The following CDKAL1 variants were observed in gnomAD, a reference collection of about 807,000 sequenced individuals.
CDKAL1 encodes the protein CDKAL1 threonylcarbamoyladenosine tRNA methylthiotransferase, also known as threonylcarbamoyladenosine tRNA methylthiotransferase.
Under a neutral mutation model 68.2 loss-of-function variants are expected in CDKAL1, and 32 were observed. The observed-to-expected ratio is 0.47, with a 90% CI of 0.35 to 0.63. The LOEUF (loss-of-function observed/expected upper bound fraction) is 0.63. Ranked by LOEUF, CDKAL1 falls within the 30% of genes least tolerant of loss-of-function variation. CDKAL1 has a pLI of 0.00. For missense variants in CDKAL1, 606 were observed against 696.7 expected (o/e 0.87, Z 1.47); for synonymous variants, 234 against 244.3 (o/e 0.96, Z 0.39).
intron 9 of CDKAL1, among the ~76,000 whole-genome samples, chr6:20,882,821 G>A (rs1222994669): frequency 6.6e-6 from 1 of 152,136 alleles, no homozygotes; most frequent in Non-Finnish European, 1.5e-5. Context: ...TCATTTTCAT[G>A]TAGTCTTTAC....
In CDKAL1 at chr6:20,930,650, T is replaced by A. The variant is rs191629005; in HGVS notation, c.743-24769T>A. ...CATAATAATGACAGTTGCTAGGATT[T>A]GTTTTTTACCAAGTGCCAGGAAGAG... On this transcript the variant is annotated intron_variant, in intron 9 of 15. Coordinates refer to ENST00000274695, the MANE Select transcript of CDKAL1 (RefSeq NM_017774.3). 1.1e-4 allele frequency among the ~76,000 whole-genome samples: 16 copies of A among 152,342 alleles called. No homozygotes were observed. In the East Asian group the frequency reaches 3.1e-3, roughly 29 times the overall value.
At chr6:20,891,225 G>A (rs1025489398) in intron 9 of CDKAL1, among the ~76,000 whole-genome samples, 2 of 152,166 alleles carry the variant, frequency 1.3e-5, no homozygotes, top group African/African-American at 4.8e-5. Flanking sequence ...CAGTAATGAG[G>A]TGTAATCATG....
In CDKAL1 at chr6:20,934,570, C is replaced by T. The variant is rs143031771; in HGVS notation, c.743-20849C>T. Among the ~76,000 whole-genome samples, 296 of 152,152 alleles carry T rather than the reference C, an allele frequency of 1.9e-3. 3 individuals carry two copies. Among genetic ancestry groups the T allele is most frequent in the African/African-American group, 6.9e-3 (287 of 41,488 alleles). The stretch of plus-strand genomic sequence containing the variant: ...TAACAAAAAAAAAGTCCTAGGTAGG[C>T]ATGGTGGTTCATGCCTATAATCCCA... On this transcript the variant is annotated intron_variant, in intron 9 of 15. Transcript: ENST00000274695.
intron 15 of CDKAL1, among the ~76,000 whole-genome samples, chr6:21,206,999 G>A (rs1033154767): frequency 2.0e-5 from 3 of 149,266 alleles, no homozygotes; most frequent in Non-Finnish European, 4.4e-5. Context: ...TGCCACCTTC[G>A]CCTCCTGGGT....
intron 9 of CDKAL1, among the ~76,000 whole-genome samples, chr6:20,888,372 A>C (rs375674514): frequency 1.8e-5 from 2 of 112,180 alleles, no homozygotes; most frequent in Admixed American, 9.3e-5. Flanking sequence ...TTTTTTTTTA[A>C]TTTTATTATT....
chr6:21,147,519 G>A (rs1394163643), intron 13 of CDKAL1, among the ~76,000 whole-genome samples: 1 of 152,178 alleles, frequency 6.6e-6, no homozygotes, highest in East Asian at 1.9e-4. Context: ...ATTGTCCACT[G>A]TTAATTCACA....
In CDKAL1 at chr6:20,600,245, A is replaced by G. The variant is rs143360900; in HGVS notation, c.287-49048A>G. 2.1e-4 allele frequency among the ~76,000 whole-genome samples: 32 copies of G among 152,220 alleles called. No individual in the cohort carries two copies. In the East Asian group the frequency reaches 6.2e-3, roughly 29 times the overall value. On this transcript the variant is annotated intron_variant, in intron 4 of 15. Transcript: ENST00000274695. ...GAGTTGGCAATTCTTTTTATTAAAT[A>G]TTGCATGACTGTATATGTGTTAATA...
intron 9 of CDKAL1, among the ~76,000 whole-genome samples, chr6:20,927,533 G>A (rs1387901438): frequency 6.6e-6 from 1 of 152,064 alleles, no homozygotes; most frequent in Non-Finnish European, 1.5e-5. Context: ...CTTTTTAATC[G>A]ATTTTTAACC....
chr6:21,101,904 A>C (rs1039231458), intron 12 of CDKAL1, among the ~76,000 whole-genome samples: 1 of 151,990 alleles, frequency 6.6e-6, no homozygotes, highest in Non-Finnish European at 1.5e-5. Context: ...TGTTAATCAG[A>C]TCTGTCCCAC....
intron 15 of CDKAL1, among the ~76,000 whole-genome samples, chr6:21,203,252 T>TTTG (rs1778764484): frequency 8.3e-6 from 1 of 119,926 alleles, no homozygotes; most frequent in African/African-American, 3.3e-5. Flanking sequence ...TTTTTTTTTT[T>TTTG]GAGTCAGAGT....
intron 9 of CDKAL1, among the ~76,000 whole-genome samples, chr6:20,907,974 G>A (rs145980816): frequency 1.3e-3 from 193 of 152,296 alleles, no homozygotes; most frequent in African/African-American, 4.2e-3. Flanking sequence ...CCACGGCTCT[G>A]TCACCACTTC....
At chr6:21,121,609 T>C (rs887110757) in intron 13 of CDKAL1, among the ~76,000 whole-genome samples, 2 of 152,224 alleles carry the variant, frequency 1.3e-5, no homozygotes, top group African/African-American at 4.8e-5. Flanking sequence ...ACACAGTAAG[T>C]GCTCAATAAA....
chr6:21,115,888 C>T (rs1774380943), intron 13 of CDKAL1, among the ~76,000 whole-genome samples: 1 of 152,224 alleles, frequency 6.6e-6, no homozygotes, highest in Non-Finnish European at 1.5e-5. Context: ...TATCTTCCCT[C>T]TCAAAGTGAC....
intron 10 of CDKAL1, among the ~76,000 whole-genome samples, chr6:20,996,792 C>T (rs892434500): frequency 6.6e-6 from 1 of 152,092 alleles, no homozygotes; most frequent in African/African-American, 2.4e-5. Flanking sequence ...TGCCACAAAC[C>T]TTCAATTTGT....
intron 13 of CDKAL1, among the ~76,000 whole-genome samples, chr6:21,149,806 G>A (rs1015866849): frequency 1.3e-5 from 2 of 152,084 alleles, no homozygotes; most frequent in Non-Finnish European, 2.9e-5. Flanking sequence ...TGAGTAATTC[G>A]GGAATTCCAA....
chr6:20,812,882 A>G lies in CDKAL1; in HGVS notation c.638+31617A>G, dbSNP rs1036073249. On this transcript the variant is annotated intron_variant, in intron 8 of 15. Transcript: ENST00000274695. ...AATCTTTCTGTGGACATATGCTCCC[A>G]TTTTTCTAGGGTGTGGTATGGCTGA... Among the ~76,000 whole-genome samples, 9 of 151,982 alleles carry G rather than the reference A, an allele frequency of 5.9e-5. No individual in the cohort carries two copies. In the East Asian group the frequency reaches 1.7e-3, roughly 29 times the overall value.
intron 8 of CDKAL1, among the ~76,000 whole-genome samples, chr6:20,818,542 A>G (rs911888031): frequency 6.6e-6 from 1 of 152,030 alleles, no homozygotes; most frequent in African/African-American, 2.4e-5. Flanking sequence ...GACCTAAAAA[A>G]TATAGTTCTA....
intron 2 of CDKAL1, among the ~76,000 whole-genome samples, chr6:20,542,102 G>T (rs923475584): frequency 1.3e-5 from 2 of 152,092 alleles, no homozygotes; most frequent in African/African-American, 2.4e-5. Flanking sequence ...CAGATTTTTC[G>T]GATACCCAGT....
chr6:20,680,706 C>T (rs1410672604), intron 5 of CDKAL1, among the ~76,000 whole-genome samples: 1 of 152,174 alleles, frequency 6.6e-6, no homozygotes, highest in Admixed American at 6.5e-5. Flanking sequence ...TTCATTCTGA[C>T]TGAAGGAAAA....
Sources: gnomAD v4.1 joint callset for allele counts (sites outside exome capture counted in the v4.1 genomes callset) on GRCh38, gnomAD v4.1.1 for gene constraint, MANE v1.5 for transcripts, NCBI Gene and HGNC (gene_info 2026-07-23, HGNC 2026-07-21) for gene names.